PIP5K1B: variants seen among roughly 807,000 people sequenced by gnomAD.
PIP5K1B encodes the protein phosphatidylinositol 4-phosphate 5-kinase type-1 beta.
A neutral mutation model predicts 67.0 loss-of-function variants in PIP5K1B; 42 were observed. That is an observed-to-expected ratio of 0.63 (90% CI 0.49 to 0.81). The LOEUF is 0.81. Among genes scored for constraint, PIP5K1B ranks in the 30% least tolerant of loss-of-function variants. The pLI, the probability that PIP5K1B is intolerant of heterozygous loss-of-function variation, is 0.00. For synonymous variants in PIP5K1B, 214 were observed against 231.4 expected, an observed-to-expected ratio of 0.92 and a Z score of 0.68; for missense variants, 459 against 646.3, an observed-to-expected ratio of 0.71 and a Z score of 3.14.
intron 8 of PIP5K1B, among the ~76,000 whole-genome samples, chr9:68,914,488 G>A (rs1440712476): frequency 1.3e-5 from 2 of 152,168 alleles, no homozygotes; most frequent in Non-Finnish European, 2.9e-5. Context: ...GGCTGAGGCG[G>A]GCAGATCACG....
chr9:68,968,814 A>G (rs1354350780), intron 14 of PIP5K1B, among the ~76,000 whole-genome samples: 1 of 151,920 alleles, frequency 6.6e-6, no homozygotes, highest in Non-Finnish European at 1.5e-5. Flanking sequence ...GTTATGTCTC[A>G]TGAAAGACTT....
chr9:68,832,530 AG>A (rs1368490837), intron 4 of PIP5K1B, among the ~76,000 whole-genome samples: 11 of 152,342 alleles, frequency 7.2e-5, no homozygotes, highest in African/African-American at 2.2e-4. Context: ...TGCCAGAGAA[AG>A]GAATATGTGG....
intron 12 of PIP5K1B, among the ~76,000 whole-genome samples, chr9:68,931,188 A>G (rs762627948): frequency 5.8e-4 from 88 of 152,336 alleles, no homozygotes; most frequent in Middle Eastern, 3.4e-3. Context: ...AATATTAGCC[A>G]CCATTATGTT....
intron 2 of PIP5K1B, among the ~76,000 whole-genome samples, chr9:68,785,801 A>C (rs761022771): frequency 2.6e-5 from 4 of 152,196 alleles, no homozygotes; most frequent in Non-Finnish European, 5.9e-5. Flanking sequence ...TGTGCTTACA[A>C]AGATGCTGGG....
chr9:68,781,150 A>AT, intron 2 of PIP5K1B: 4 of 1,285,694 alleles, frequency 3.1e-6, no homozygotes, highest in Non-Finnish European at 4.3e-6. Flanking sequence ...CTTTTTTGAA[A>AT]TTCCCTGAAA....
At chr9:68,806,329 A>T (rs549740507) in intron 2 of PIP5K1B, among the ~76,000 whole-genome samples, 1 of 152,292 alleles carries the variant, frequency 6.6e-6, no homozygotes, top group East Asian at 1.9e-4. Context: ...AGGTTCTGAC[A>T]GTGTTTTTGT....
intron 15 of PIP5K1B, among the ~76,000 whole-genome samples, chr9:69,005,258 ATAAATT>A (rs1284113038): frequency 6.6e-6 from 1 of 152,218 alleles, no homozygotes; most frequent in Non-Finnish European, 1.5e-5. Context: ...TTATTAAACT[ATAAATT>A]TAACCAATTT....
At chr9:68,812,038 C>A (rs961211387) in intron 2 of PIP5K1B, among the ~76,000 whole-genome samples, 2 of 152,176 alleles carry the variant, frequency 1.3e-5, no homozygotes, top group African/African-American at 4.8e-5. Context: ...CAAAGCCAGG[C>A]TGAGATGGAG....
At chr9:68,958,507 G>A (rs947675381) in intron 14 of PIP5K1B, among the ~76,000 whole-genome samples, 19 of 152,238 alleles carry the variant, frequency 1.2e-4, no homozygotes, top group African/African-American at 4.6e-4. Context: ...ACAAGAGAGC[G>A]GTTTGTGCAA....
rs1173199670 is a variant in PIP5K1B, at chr9:68,947,970, T to C, written c.1502+7180T>C. Among the ~76,000 whole-genome samples, 4 of 152,186 alleles carry C rather than the reference T, an allele frequency of 2.6e-5. No individual in the cohort carries two copies. In the East Asian group the frequency reaches 5.8e-4, roughly 22 times the overall value. On this transcript the variant is annotated intron_variant, in intron 14 of 15. Coordinates refer to ENST00000265382, the MANE Select transcript of PIP5K1B (RefSeq NM_003558.4). ...GCAGGTGACACAGTTTGGGAGCAGA[T>C]AGCCATCACCCATGCCCTTACAAAA...
chr9:69,002,716 C>T (rs1830877474), intron 15 of PIP5K1B, among the ~76,000 whole-genome samples: 1 of 152,172 alleles, frequency 6.6e-6, no homozygotes, highest in South Asian at 2.1e-4. Flanking sequence ...GGCATGGTGG[C>T]TCATGCCTGT....
intron 2 of PIP5K1B, among the ~76,000 whole-genome samples, chr9:68,814,493 A>G (rs1377010600): frequency 6.6e-6 from 1 of 152,190 alleles, no homozygotes; most frequent in African/African-American, 2.4e-5. Context: ...TGGCAAAACT[A>G]TAATTATATT....
intron 5 of PIP5K1B, among the ~76,000 whole-genome samples, chr9:68,871,672 T>G (rs1465144956): frequency 1.3e-5 from 2 of 152,188 alleles, no homozygotes; most frequent in East Asian, 1.9e-4. Flanking sequence ...TCTTTCTCCT[T>G]TTTTGGAGCT....
chr9:68,867,522 AC>A (rs1309035049), intron 5 of PIP5K1B, among the ~76,000 whole-genome samples: 3 of 152,208 alleles, frequency 2.0e-5, no homozygotes, highest in Non-Finnish European at 4.4e-5. Flanking sequence ...GCAAGACAGT[AC>A]CTTTCAGGAG....
At chr9:69,008,382 C>T in intron 15 of PIP5K1B, 65 bp from the exon 16 acceptor site, 1 of 1,485,468 alleles carries the variant, frequency 6.7e-7, no homozygotes, top group Non-Finnish European at 9.4e-7. Flanking sequence ...TGTTGCGACT[C>T]ATGGGGAGAG....
intron 13 of PIP5K1B, among the ~76,000 whole-genome samples, chr9:68,936,601 A>T (rs1827278617): frequency 1.3e-5 from 2 of 152,178 alleles, no homozygotes; most frequent in East Asian, 1.9e-4. Context: ...AGTCTTTAAG[A>T]TGTGGTGTTA....
rs112716272 is a variant in PIP5K1B, at chr9:68,807,992, G to A, written c.-85-10469G>A. On this transcript the variant is annotated intron_variant, in intron 2 of 15. Transcript: ENST00000265382. Reference sequence around the variant, plus strand: ...GCAGGCAGATCCCTTGAGGTCAGGAGTTCGAGACCAGCTTGGCCAACATGG... The same window carrying A: ...GCAGGCAGATCCCTTGAGGTCAGGAATTCGAGACCAGCTTGGCCAACATGG... Among the ~76,000 whole-genome samples the A allele has an allele frequency of 3.9e-5, 6 of 152,318 alleles. 1 individual carries two copies. The highest frequency in any genetic ancestry group is 1.4e-4 in the African/African-American group (6 of 41,562).
In PIP5K1B at chr9:68,814,873, G is replaced by A. The variant is rs567967420; in HGVS notation, c.-85-3588G>A. 2.0e-3 allele frequency among the ~76,000 whole-genome samples: 307 copies of A among 152,136 alleles called. 1 individual carries two copies. Among genetic ancestry groups the A allele is most frequent in the Admixed American group, 3.7e-3 (57 of 15,276 alleles). On this transcript the variant is annotated intron_variant, in intron 2 of 15. Transcript: ENST00000265382. ...TAATTTGACAAAGTAGACAAATAATGATACAGGTTCGTATTTGTATATAGT... is the reference window on the plus strand; with the variant it reads ...TAATTTGACAAAGTAGACAAATAATAATACAGGTTCGTATTTGTATATAGT...
Position 68,930,133 on chromosome 9 carries a change from C to T in PIP5K1B, c.1202-4757C>T, listed in dbSNP as rs117911594. Among the ~76,000 whole-genome samples, 78 of 152,320 alleles carry T rather than the reference C, an allele frequency of 5.1e-4. 3 individuals are homozygous for T. The East Asian group carries it at 0.014, about 27-fold the overall frequency. On this transcript the variant is annotated intron_variant, in intron 12 of 15. Transcript: ENST00000265382. ...TTTGGAAGCTTTTCATCCCTGCTTACTCTTATTGTGGTTGCTCCTCAGGGT... is the reference window on the plus strand; with the variant it reads ...TTTGGAAGCTTTTCATCCCTGCTTATTCTTATTGTGGTTGCTCCTCAGGGT...
Sources: gnomAD v4.1 joint callset for allele counts (sites outside exome capture counted in the v4.1 genomes callset) on GRCh38, gnomAD v4.1.1 for gene constraint, MANE v1.5 for transcripts, NCBI Gene and HGNC (gene_info 2026-07-23, HGNC 2026-07-21) for gene names.